Variants in RASA2 observed in about 807,000 individuals in gnomAD.
RASA2 encodes the protein ras GTPase-activating protein 2.
RASA2 carries 155 observed loss-of-function variants against 118.2 expected under a neutral mutation model. The observed-to-expected ratio is 1.31, with a 90% CI of 1.15 to 1.50. The LOEUF is 1.50. RASA2 is among the 40% of genes most tolerant of loss of function. The probability of loss-of-function intolerance (pLI) is 0.00; values close to 1 mark genes in which losing one functional copy is unlikely to be tolerated. For synonymous variants in RASA2, 353 were observed against 349.1 expected, an observed-to-expected ratio of 1.01 and a Z score of -0.12; for missense variants, 1,016 against 1,009.6, an observed-to-expected ratio of 1.01 and a Z score of -0.09.
intron 3 of RASA2, among the ~76,000 whole-genome samples, chr3:141,517,044 A>G (rs779678161): frequency 6.6e-6 from 1 of 151,872 alleles, no homozygotes; most frequent in African/African-American, 2.4e-5. Flanking sequence ...TGTTAGGATT[A>G]CAGGCATGAG....
Position 141,575,779 on chromosome 3 carries a change from G to T in RASA2, c.1484-1221G>T, listed in dbSNP as rs907764587. ...TAAATGATCTTAAACACTTTATGGG[G>T]TTTTTTTGGGTTTTGTTTTTGTTTT... On this transcript the variant is annotated intron_variant, in intron 14 of 23. Transcript: ENST00000286364. 3.3e-5 allele frequency among the ~76,000 whole-genome samples: 5 copies of T among 152,022 alleles called. No individual in the cohort carries two copies. The South Asian group carries it at 8.3e-4, about 25-fold the overall frequency.
At position 141,608,560 on chromosome 3, in the gene RASA2, G is replaced by A; in HGVS notation, c.2088G>A (p.Trp696Ter). Residue 696 changes from tryptophan (W) to a stop codon, truncating the protein, a stop_gained, in exon 21 of 24, where the codon TGG (tryptophan) becomes TGA (stop). Transcript: ENST00000286364. LOFTEE classifies it high-confidence loss of function. ...QANNCVEANE[W>*]IDVLCRVSRC... ...ATAACTGTGTAGAAGCTAATGAATG[G>A]ATAGACGTACTCTGCAGGGTGAGCC... is the stretch of plus-strand genomic sequence containing the variant. The A allele has an allele frequency of 6.2e-7, 1 of 1,613,988 alleles. No homozygotes were observed. Among genetic ancestry groups the A allele is most frequent in the Non-Finnish European group, 8.5e-7 (1 of 1,179,914 alleles).
At chr3:141,593,288 T>C (rs1375007527) in intron 19 of RASA2, among the ~76,000 whole-genome samples, 4 of 152,032 alleles carry the variant, frequency 2.6e-5, no homozygotes, top group Non-Finnish European at 5.9e-5. Context: ...CTCAGGTGAT[T>C]CACCCACCTT....
intron 22 of RASA2, 59 bp from the exon 23 acceptor site, chr3:141,609,818 A>G (rs1211910000): frequency 4.9e-6 from 7 of 1,431,700 alleles, no homozygotes; most frequent in African/African-American, 2.9e-5. Context: ...TTTGTACTAC[A>G]TATTGCATTT....
At chr3:141,509,332 G>T (rs1439862683) in intron 1 of RASA2, among the ~76,000 whole-genome samples, 1 of 152,126 alleles carries the variant, frequency 6.6e-6, no homozygotes, top group Non-Finnish European at 1.5e-5. Context: ...AGGTTCATTG[G>T]ATTCTTCAAA....
intron 5 of RASA2, among the ~76,000 whole-genome samples, chr3:141,547,914 A>G (rs1211551586): frequency 6.6e-6 from 1 of 152,116 alleles, no homozygotes; most frequent in Admixed American, 6.5e-5. Context: ...AATTTTGTCA[A>G]ATACTTTTTG....
chr3:141,586,795 C>A, intron 19 of RASA2, 43 bp downstream of exon 19: 1 of 1,493,336 alleles, frequency 6.7e-7, no homozygotes, highest in South Asian at 1.1e-5. Flanking sequence ...TCCTGGTTCT[C>A]AGTGAAGGTT....
intron 19 of RASA2, among the ~76,000 whole-genome samples, chr3:141,601,662 T>C (rs776645792): frequency 6.6e-6 from 1 of 152,212 alleles, no homozygotes; most frequent in Non-Finnish European, 1.5e-5. Flanking sequence ...CCATAAAATG[T>C]ATTACTTGGT....
intron 2 of RASA2, among the ~76,000 whole-genome samples, chr3:141,515,951 CA>C (rs1255873502): frequency 1.4e-5 from 2 of 138,794 alleles, no homozygotes; most frequent in African/African-American, 5.4e-5. Flanking sequence ...ATCGCAAAGA[CA>C]AAAAAACCAA....
At chr3:141,552,141 C>T (rs2082584224) in intron 5 of RASA2, among the ~76,000 whole-genome samples, 1 of 151,984 alleles carries the variant, frequency 6.6e-6, no homozygotes, top group African/African-American at 2.4e-5. Context: ...TTATGGGCAT[C>T]CGTGTTTTGG....
chr3:141,503,275 A>G (rs1267250864), intron 1 of RASA2, among the ~76,000 whole-genome samples: 3 of 152,194 alleles, frequency 2.0e-5, no homozygotes, highest in Admixed American at 6.5e-5. Flanking sequence ...ACATAGGTAC[A>G]TACTCACATA....
At chr3:141,554,917 A>G (rs2082626173) in intron 6 of RASA2, among the ~76,000 whole-genome samples, 3 of 152,058 alleles carry the variant, frequency 2.0e-5, no homozygotes, top group Admixed American at 2.0e-4. Flanking sequence ...CTACCTGACA[A>G]ATTATTTGGT....
At position 141,512,254 on chromosome 3, in the gene RASA2, T is replaced by C; in HGVS notation, c.225T>C (p.Arg75=). The C allele has an allele frequency of 6.3e-7, 1 of 1,590,416 alleles. No homozygotes were observed. Among genetic ancestry groups the C allele is most frequent in the Non-Finnish European group, 8.5e-7 (1 of 1,173,206 alleles). The part of the protein sequence containing the change: ...TINLDQEEVY[R]TQVVEKSLSP... ...ATTTGGACCAGGAAGAAGTTTATCG[T>C]ACCCAAGTTGTGGAAAAATCTTTAA... is the stretch of plus-strand genomic sequence containing the variant. Residue 75 remains arginine, a synonymous_variant, in exon 2 of 24, where the codon CGT becomes CGC. Transcript: ENST00000286364.
At chr3:141,507,989 A>G (rs1403449580) in intron 1 of RASA2, among the ~76,000 whole-genome samples, 1 of 152,196 alleles carries the variant, frequency 6.6e-6, no homozygotes, top group Non-Finnish European at 1.5e-5. Flanking sequence ...CAGGTTTAGA[A>G]CCTGGTTCTC....
chr3:141,553,714 T>TGGA, intron 5 of RASA2, 143 bp from the exon 6 acceptor site: 23 of 1,318,246 alleles, frequency 1.7e-5, no homozygotes, highest in Non-Finnish European at 2.3e-5. Context: ...ACCTATTCCA[T>TGGA]ATAGGTAGTA....
intron 16 of RASA2, 135 bp from the exon 17 acceptor site, chr3:141,580,965 C>T: frequency 1.1e-6 from 1 of 912,342 alleles, no homozygotes; most frequent in Non-Finnish European, 1.5e-6. Flanking sequence ...AGAAGTCTTC[C>T]ACTCCAAGCC....
At chr3:141,536,846 C>T (rs1409669271) in intron 4 of RASA2, among the ~76,000 whole-genome samples, 2 of 148,280 alleles carry the variant, frequency 1.3e-5, no homozygotes, top group Non-Finnish European at 3.0e-5. Flanking sequence ...CTCCTGGGTT[C>T]AAGTGATTCT....
intron 3 of RASA2, among the ~76,000 whole-genome samples, chr3:141,518,684 G>C (rs1442924344): frequency 6.6e-6 from 1 of 150,858 alleles, no homozygotes; most frequent in South Asian, 2.1e-4. Context: ...CTTGAAATTT[G>C]CCAACATCAT....
chr3:141,559,744 G>A (rs747874754), intron 8 of RASA2, 150 bp from the exon 9 acceptor site: 17 of 583,218 alleles, frequency 2.9e-5, no homozygotes, highest in Non-Finnish European at 5.2e-5. Context: ...CTCTAGTCTG[G>A]ATAGTGAGGT....
Sources: allele counts gnomAD v4.1 joint callset (sites outside exome capture counted in the v4.1 genomes callset), GRCh38; gene constraint gnomAD v4.1.1; transcripts MANE v1.5; gene names NCBI Gene and HGNC (gene_info 2026-07-23, HGNC 2026-07-21).